The following CLIC4 variants were observed in gnomAD, a reference collection of about 807,000 sequenced individuals.
CLIC4 encodes the protein chloride intracellular channel protein 4.
Under a neutral mutation model 24.6 loss-of-function variants are expected in CLIC4, and 13 were observed. The observed-to-expected ratio is 0.53, with a 90% confidence interval of 0.34 to 0.84. CLIC4 has a LOEUF of 0.84. CLIC4 is among the 40% of genes least tolerant of loss of function. The probability of loss-of-function intolerance (pLI) is 0.01; values close to 1 mark genes in which losing one functional copy is unlikely to be tolerated. For missense variants in CLIC4, 227 were observed against 301.7 expected, an observed-to-expected ratio of 0.75 and a Z score of 1.83; for synonymous variants, 104 against 111.3, an observed-to-expected ratio of 0.93 and a Z score of 0.41.
chr1:24,810,996 G>A (rs1355727928), intron 2 of CLIC4, among the ~76,000 whole-genome samples: 1 of 151,444 alleles, frequency 6.6e-6, no homozygotes, highest in Non-Finnish European at 1.5e-5. Context: ...GGAGAATGGC[G>A]TGAACTTGGG....
In CLIC4 at chr1:24,797,829, G is replaced by A; in HGVS notation, c.160G>A (p.Val54Met). The A allele has an allele frequency of 6.2e-7, 1 of 1,612,680 alleles. No homozygotes were observed. Among genetic ancestry groups the A allele is most frequent in the South Asian group, 1.1e-5 (1 of 90,770 alleles). ...ILWLKGVVFSVTTVDLKRKPA... is the reference protein window; with the variant it reads ...ILWLKGVVFSMTTVDLKRKPA... Reference sequence around the variant, plus strand: ...TTGGCTCAAAGGAGTTGTATTTAGTGTGACGACTGTTGACCTGAAAAGGTA... The same window carrying A: ...TTGGCTCAAAGGAGTTGTATTTAGTATGACGACTGTTGACCTGAAAAGGTA... Residue 54 changes from valine (V) to methionine (M), a missense_variant, in exon 2 of 6, where the codon GTG (valine) becomes ATG (methionine). By Grantham distance (21) the Val-to-Met change is conservative (BLOSUM62 1). Coordinates refer to ENST00000374379, the MANE Select transcript of CLIC4 (RefSeq NM_013943.3).
chr1:24,787,577 C>CCCAGG (rs1345456851), intron 1 of CLIC4, among the ~76,000 whole-genome samples: 9 of 152,012 alleles, frequency 5.9e-5, no homozygotes, highest in Non-Finnish European at 4.4e-5. Context: ...CACTTTGTCA[C>CCCAGG]CCAGGCTGGA....
chr1:24,763,014 G>A (rs1467569284), intron 1 of CLIC4, among the ~76,000 whole-genome samples: 3 of 152,104 alleles, frequency 2.0e-5, no homozygotes, highest in East Asian at 1.9e-4. Flanking sequence ...ATTCCACTAG[G>A]TCCCCCTCAG....
intron 2 of CLIC4, among the ~76,000 whole-genome samples, chr1:24,810,358 A>C (rs1319613633): frequency 1.3e-5 from 2 of 152,158 alleles, no homozygotes; most frequent in African/African-American, 4.8e-5. Flanking sequence ...AATACCATTC[A>C]GCTGAAAGGT....
chr1:24,786,273 C>G (rs549089818), intron 1 of CLIC4, among the ~76,000 whole-genome samples: 4 of 152,354 alleles, frequency 2.6e-5, no homozygotes, highest in African/African-American at 9.6e-5. Flanking sequence ...ATTCTAAAGA[C>G]TGATTAAACT....
At chr1:24,811,601 T>C (rs1639615884) in intron 2 of CLIC4, among the ~76,000 whole-genome samples, 2 of 152,080 alleles carry the variant, frequency 1.3e-5, no homozygotes, top group Non-Finnish European at 2.9e-5. Flanking sequence ...GCCTCCCAAG[T>C]AGCTGGGACT....
intron 1 of CLIC4, among the ~76,000 whole-genome samples, chr1:24,764,343 A>G (rs1638965509): frequency 6.6e-6 from 1 of 151,430 alleles, no homozygotes; most frequent in African/African-American, 2.4e-5. Context: ...CAGGTGATCC[A>G]CCTGCCTTGG....
At chr1:24,782,788 T>A (rs1034115281) in intron 1 of CLIC4, among the ~76,000 whole-genome samples, 1 of 152,118 alleles carries the variant, frequency 6.6e-6, no homozygotes, top group Non-Finnish European at 1.5e-5. Context: ...AAGACTAACC[T>A]GGACAACAGA....
chr1:24,767,606 G>A (rs533106489), intron 1 of CLIC4, among the ~76,000 whole-genome samples: 10 of 152,234 alleles, frequency 6.6e-5, no homozygotes, highest in Middle Eastern at 3.4e-3. Context: ...CACTTACTAG[G>A]TAACTAAAGG....
chr1:24,798,802 C>G (rs1039735315), intron 2 of CLIC4, among the ~76,000 whole-genome samples: 2 of 151,468 alleles, frequency 1.3e-5, no homozygotes, highest in African/African-American at 4.8e-5. Flanking sequence ...ATTGCAGGCA[C>G]GCGCCGCCAC....
intron 2 of CLIC4, among the ~76,000 whole-genome samples, chr1:24,813,865 C>T (rs1052293166): frequency 2.0e-5 from 3 of 152,046 alleles, no homozygotes; most frequent in Admixed American, 6.5e-5. Flanking sequence ...ACTATAGACA[C>T]GCACCACCAT....
At chr1:24,797,711 C>A in intron 1 of CLIC4, 31 bp from the exon 2 acceptor site, 1 of 1,501,778 alleles carries the variant, frequency 6.7e-7, no homozygotes, top group Admixed American at 1.9e-5. Context: ...TCACTTTGAC[C>A]TTGTTTTTAA....
intron 1 of CLIC4, among the ~76,000 whole-genome samples, chr1:24,778,815 GTTTGTT>G (rs1290941875): frequency 6.6e-6 from 1 of 152,196 alleles, no homozygotes; most frequent in East Asian, 1.9e-4. Flanking sequence ...ACATCTGACA[GTTTGTT>G]TTAAAAAGTG....
chr1:24,835,255 A>G (rs1639875244), intron 4 of CLIC4, among the ~76,000 whole-genome samples: 2 of 152,166 alleles, frequency 1.3e-5, no homozygotes, highest in South Asian at 2.1e-4. Flanking sequence ...TTTGTTTGAT[A>G]TTTTCCTAAG....
intron 2 of CLIC4, among the ~76,000 whole-genome samples, chr1:24,805,468 T>TTTG (rs532588790): frequency 6.6e-6 from 1 of 152,168 alleles, no homozygotes. Flanking sequence ...TGTGAGGTTT[T>TTTG]TTGTTGTTGT....
chr1:24,812,751 GCT>G (rs1303008578), intron 2 of CLIC4, among the ~76,000 whole-genome samples: 1 of 151,904 alleles, frequency 6.6e-6, no homozygotes, highest in Non-Finnish European at 1.5e-5. Context: ...ACAGAGTATT[GCT>G]CTGTCACCAG....
intron 3 of CLIC4, among the ~76,000 whole-genome samples, chr1:24,818,169 C>T (rs1354229569): frequency 6.6e-6 from 1 of 152,118 alleles, no homozygotes; most frequent in Non-Finnish European, 1.5e-5. Context: ...CTCAGGGTGC[C>T]ATAAACCTTC....
At chr1:24,835,943 A>G (rs1266979882) in intron 4 of CLIC4, among the ~76,000 whole-genome samples, 1 of 152,234 alleles carries the variant, frequency 6.6e-6, no homozygotes, top group African/African-American at 2.4e-5. Flanking sequence ...TGGATTAAAA[A>G]CAATGTTGCT....
chr1:24,787,844 C>A (rs1639287281), intron 1 of CLIC4, among the ~76,000 whole-genome samples: 2 of 12,752 alleles, frequency 1.6e-4, no homozygotes, highest in African/African-American at 2.7e-4. Flanking sequence ...CGTGCCCGGC[C>A]ATTTTTTTTT....
Sources: allele counts gnomAD v4.1 joint callset (sites outside exome capture counted in the v4.1 genomes callset), GRCh38; gene constraint gnomAD v4.1.1; transcripts MANE v1.5; gene names NCBI Gene and HGNC (gene_info 2026-07-23, HGNC 2026-07-21).